MTTP: variants seen among roughly 807,000 people sequenced by gnomAD.
MTTP encodes microsomal triglyceride transfer protein large subunit.
In MTTP, 49 loss-of-function variants were observed where a neutral mutation model predicts 90.6. The observed-to-expected ratio is 0.54, with a 90% confidence interval of 0.43 to 0.69. The LOEUF (loss-of-function observed/expected upper bound fraction) is 0.69. Among genes scored for constraint, MTTP ranks in the 30% least tolerant of loss-of-function variants. The probability of loss-of-function intolerance (pLI) is 0.00; values close to 1 mark genes in which losing one functional copy is unlikely to be tolerated. For synonymous variants in MTTP, 347 were observed against 384.2 expected (o/e 0.90, Z 1.13); for missense variants, 945 against 1,067.5 (o/e 0.89, Z 1.60).
rs375687305 is a variant in MTTP at position 99,583,636 on chromosome 4, C to CA, written c.393+121dup. On this transcript the variant is annotated intron_variant, in intron 3 of 17. Transcript: ENST00000265517. ...ACTTTTATGGTAAATGGAATTTCTT[C>CA]AAGAACTAAAGAACAGAGGTTGTAA... is the stretch of plus-strand genomic sequence containing the variant. 18 of 1,236,226 alleles carry CA rather than the reference C, an allele frequency of 1.5e-5. No homozygotes were observed. The African/African-American group carries it at 2.5e-4, about 17-fold the overall frequency. The allele number at this position is 1,236,226 out of a possible 1,614,324, so 76.6% of individuals were successfully genotyped here. A position where few individuals can be genotyped will look rare whatever the true frequency, so the allele number is the denominator to read the frequency against.
chr4:99,613,192 A>G (rs1726007095), intron 15 of MTTP, 52 bp downstream of exon 15: 2 of 1,480,398 alleles, frequency 1.4e-6, no homozygotes, highest in South Asian at 2.4e-5. Flanking sequence ...TACGCCAGGC[A>G]CGTTTTAAAT....
rs1019171466 is a variant in MTTP, at chr4:99,596,983, T to C, written c.910-84T>C. On this transcript the variant is annotated intron_variant, in intron 7 of 17. Coordinates refer to ENST00000265517, the MANE Select transcript of MTTP (RefSeq NM_001386140.1). ...GCTTTCGCTTCAGACACAAGGGACA[T>C]TTTATTCCTAGGAGAACACCCTTTG... 14 of 1,585,094 alleles carry C rather than the reference T, an allele frequency of 8.8e-6. No individual in the cohort carries two copies. In the Admixed American group the frequency reaches 2.2e-4, roughly 25 times the overall value.
intron 10 of MTTP, 70 bp downstream of exon 10, chr4:99,601,784 C>A: frequency 8.4e-7 from 1 of 1,188,620 alleles, no homozygotes; most frequent in Non-Finnish European, 1.3e-6. Context: ...CACCATGCTG[C>A]CTACTATTGG....
chr4:99,604,010 T>A (rs1439152152), intron 10 of MTTP, among the ~76,000 whole-genome samples: 1 of 152,144 alleles, frequency 6.6e-6, no homozygotes, highest in Non-Finnish European at 1.5e-5. Flanking sequence ...GAGCAAACAT[T>A]TTTTTTCATC....
intron 14 of MTTP, among the ~76,000 whole-genome samples, chr4:99,612,506 G>A (rs1000611842): frequency 2.0e-5 from 3 of 151,802 alleles, no homozygotes; most frequent in Non-Finnish European, 4.4e-5. Context: ...TAGATGCTCT[G>A]CAAGACAGCT....
Position 99,623,182 on chromosome 4 carries a change from A to G in MTTP, c.*334A>G, listed in dbSNP as rs1028932076. 2.9e-6 allele frequency: 1 copy of G among 342,364 alleles called. No homozygotes were observed. 21.2% of individuals were successfully genotyped at this position (342,364 alleles called of 1,614,324 possible). ...AAAATAAAAACAAAACCACACAAGG[A>G]GAACCCAATTTTGTTTCAACAATTT... On this transcript the variant is annotated 3_prime_UTR_variant, in exon 18 of 18. Coordinates refer to ENST00000265517, the MANE Select transcript of MTTP (RefSeq NM_001386140.1).
At position 99,591,308 on chromosome 4, in the gene MTTP, A is replaced by G. The variant is rs1376090468; in HGVS notation, c.575A>G (p.Asp192Gly). ...QDKVIKIKAL[D>G]SCKIARSGFT... ...AAAGTGATCAAAATTAAGGCCTTGG[A>G]TTCATGCAAAATAGCGAGGTCTGGA... The change falls in exon 5 of 18, where the codon GAT becomes GGT. Residue 192 changes from aspartate to glycine, a missense_variant. Asp to Gly is a moderately conservative substitution (Grantham distance 94). Transcript: ENST00000265517. 4.3e-6 allele frequency: 7 copies of G among 1,614,062 alleles called. No homozygotes were observed. The highest frequency in any genetic ancestry group is 1.3e-5 in the African/African-American group (1 of 75,058).
intron 1 of MTTP, among the ~76,000 whole-genome samples, chr4:99,566,944 T>G (rs1023040264): frequency 1.4e-5 from 2 of 140,062 alleles, no homozygotes; most frequent in Non-Finnish European, 3.2e-5. Context: ...CTTCAGCAAG[T>G]TGGGAGTTGA....
chr4:99,565,365 A>G (rs1724653271), intron 1 of MTTP, among the ~76,000 whole-genome samples: 1 of 152,010 alleles, frequency 6.6e-6, no homozygotes. Flanking sequence ...TAGACATTTA[A>G]CTTTGTAGTC....
At chr4:99,600,244 CTTAA>C (rs1725660738) in intron 8 of MTTP, among the ~76,000 whole-genome samples, 1 of 152,068 alleles carries the variant, frequency 6.6e-6, no homozygotes, top group Non-Finnish European at 1.5e-5. Flanking sequence ...AGAATTTGAA[CTTAA>C]TTTATAATTG....
chr4:99,616,011 T>C (rs1313659415), intron 15 of MTTP, among the ~76,000 whole-genome samples: 2 of 152,172 alleles, frequency 1.3e-5, no homozygotes, highest in East Asian at 3.9e-4. Flanking sequence ...TTTTTCCTTT[T>C]TTGCAATATT....
chr4:99,589,849 T>C (rs1725371182), intron 4 of MTTP, 99 bp downstream of exon 4: 1 of 846,732 alleles, frequency 1.2e-6, no homozygotes, highest in East Asian at 2.6e-5. Context: ...AAGGTAATGC[T>C]CAGAAAAGGT....
intron 16 of MTTP, 141 bp from the exon 17 acceptor site, chr4:99,620,920 T>C (rs1726213373): frequency 3.8e-6 from 3 of 781,578 alleles, no homozygotes; most frequent in Non-Finnish European, 6.1e-6. Context: ...TCTAAGCACA[T>C]CCAGGTCACC....
At chr4:99,615,841 A>G (rs1407162735) in intron 15 of MTTP, among the ~76,000 whole-genome samples, 3 of 152,366 alleles carry the variant, frequency 2.0e-5, no homozygotes, top group Non-Finnish European at 2.9e-5. Flanking sequence ...AAATGTCAGC[A>G]TCTGAGCTAT....
At position 99,600,650 on chromosome 4, in the gene MTTP, A is replaced by C; in HGVS notation, c.1153A>C (p.Ser385Arg). 6.2e-7 allele frequency: 1 copy of C among 1,613,914 alleles called. No homozygotes were observed. ...ILDFLDFKSD[S>R]SIILQERFLY... is the part of the protein sequence containing the mutation. ...GGACTTTTTGGATTTCAAAAGTGAC[A>C]GCAGCATTATCCTCCAGGAGAGGTT... is the stretch of plus-strand genomic sequence containing the variant. Residue 385 changes from serine (S) to arginine (R), a missense_variant, in exon 9 of 18, where the codon AGC becomes CGC. Transcript: ENST00000265517.
intron 1 of MTTP, among the ~76,000 whole-genome samples, chr4:99,579,220 A>T (rs1198727244): frequency 2.6e-5 from 4 of 152,170 alleles, no homozygotes; most frequent in Non-Finnish European, 5.9e-5. Flanking sequence ...TTTTCTTTGA[A>T]GGTTCGACAG....
chr4:99,600,583 T>A lies in MTTP; in HGVS notation c.1086T>A (p.Ala362=). 1 of 1,613,764 alleles carries A rather than the reference T, an allele frequency of 6.2e-7. No homozygotes were observed. Among genetic ancestry groups the A allele is most frequent in the South Asian group, 1.1e-5 (1 of 91,078 alleles). ...TTTATAGACCTCAGCTGGTGGATGC[T>A]GTCACCTCTGCTCAGACCTCAGACT... The part of the protein sequence containing the change: ...NKEVLPQLVD[A]VTSAQTSDSL... Residue 362 remains alanine, a synonymous_variant, in exon 9 of 18, where the codon GCT becomes GCA. Coordinates refer to ENST00000265517, the MANE Select transcript of MTTP (RefSeq NM_001386140.1).
intron 2 of MTTP, 21 bp from the exon 3 acceptor site, chr4:99,583,353 G>A (rs191835206): frequency 1.2e-6 from 2 of 1,611,214 alleles, no homozygotes; most frequent in African/African-American, 1.3e-5. Flanking sequence ...TTTTTTAACA[G>A]CTTTCTTTCT....
chr4:99,610,268 G>T (rs948500334), intron 12 of MTTP, among the ~76,000 whole-genome samples: 2 of 152,080 alleles, frequency 1.3e-5, no homozygotes, highest in Admixed American at 6.5e-5. Flanking sequence ...TATTGGCTCT[G>T]GTTTTATCCC....
Sources: gnomAD v4.1 joint callset for allele counts (sites outside exome capture counted in the v4.1 genomes callset) on GRCh38, gnomAD v4.1.1 for gene constraint, MANE v1.5 for transcripts, NCBI Gene and HGNC (gene_info 2026-07-23, HGNC 2026-07-21) for gene names.